Variants in RPP30 observed in about 807,000 individuals in gnomAD.
RPP30 encodes ribonuclease P/MRP subunit p30, also known as ribonuclease P protein subunit p30.
Under a neutral mutation model 38.6 loss-of-function variants are expected in RPP30, and 36 were observed. That is an observed-to-expected ratio of 0.93 (90% CI 0.71 to 1.23). The LOEUF is 1.23. Ranked by LOEUF, RPP30 falls within the 50% of genes most tolerant of loss-of-function variation. The pLI is 0.00. For synonymous variants in RPP30, 126 were observed against 112.7 expected, an observed-to-expected ratio of 1.12 and a Z score of -0.75; for missense variants, 321 against 321.7, an observed-to-expected ratio of 1.00 and a Z score of 0.02.
chr10:90,874,466 A>G (rs1846824551), intron 1 of RPP30, among the ~76,000 whole-genome samples: 1 of 152,254 alleles, frequency 6.6e-6, no homozygotes, highest in Non-Finnish European at 1.5e-5. Flanking sequence ...AAAAATGAAT[A>G]TAGGGTCATG....
At chr10:90,885,938 A>G in intron 6 of RPP30, 37 bp downstream of exon 6, 1 of 1,287,658 alleles carries the variant, frequency 7.8e-7, no homozygotes, top group Non-Finnish European at 1.1e-6. Flanking sequence ...GAATCTTAGA[A>G]ACTTACATTA....
chr10:90,875,649 A>G lies in RPP30; in HGVS notation c.195+35A>G, dbSNP rs569184460. The G allele has an allele frequency of 1.2e-4, 193 of 1,558,642 alleles. 1 individual carries two copies. In the South Asian group the frequency reaches 2.0e-3, roughly 16 times the overall value. On this transcript the variant is annotated intron_variant, in intron 3 of 10. Transcript: ENST00000371703. The stretch of plus-strand genomic sequence containing the variant: ...TTGTTGTTTACGAAGCATAATATCT[A>G]TTTATTCAGTTAAAAGGTACCTAAT...
At chr10:90,880,071 G>C (rs930881532) in intron 5 of RPP30, 1 of 146,132 alleles carries the variant, frequency 6.8e-6, no homozygotes, top group Non-Finnish European at 1.5e-5. Flanking sequence ...ATTAAGAAAA[G>C]GGGAAAGAGT....
intron 6 of RPP30, among the ~76,000 whole-genome samples, chr10:90,894,482 T>C (rs1847117099): frequency 6.6e-6 from 1 of 152,164 alleles, no homozygotes; most frequent in Admixed American, 6.5e-5. Context: ...TAGTAGCCCC[T>C]CTCTCACGCC....
At position 90,900,658 on chromosome 10, in the gene RPP30, GA is replaced by G; in HGVS notation, c.789del (p.Ala264ProfsTer29). 5 of 1,613,654 alleles carry G rather than the reference GA, an allele frequency of 3.1e-6. No individual in the cohort carries two copies. Among genetic ancestry groups the G allele is most frequent in the Non-Finnish European group, 4.2e-6 (5 of 1,179,776 alleles). ...GDEDCLPASK[K>X]AKCEG ...ATGAAGATTGTCTTCCAGCTTCCAAGAAAGCCAAGTGTGAGGGCTGAAAAGA... is the reference window on the plus strand; with the variant it reads ...ATGAAGATTGTCTTCCAGCTTCCAAGAAGCCAAGTGTGAGGGCTGAAAAGA... On this transcript the variant is annotated frameshift_variant, in exon 11 of 11. Transcript: ENST00000371703. LOFTEE classifies it high-confidence loss of function.
intron 8 of RPP30, 159 bp downstream of exon 8, chr10:90,895,642 A>C (rs1847131065): frequency 3.9e-6 from 2 of 511,740 alleles, no homozygotes; most frequent in Admixed American, 7.6e-5. Flanking sequence ...ATTTATCCCC[A>C]CTTTCTTTAG....
intron 10 of RPP30, among the ~76,000 whole-genome samples, chr10:90,897,638 C>T (rs1018142907): frequency 1.2e-4 from 19 of 152,094 alleles, no homozygotes; most frequent in African/African-American, 4.3e-4. Context: ...TTTTGAGTAA[C>T]AGTTGGGGTT....
chr10:90,887,050 C>T (rs563617629), intron 6 of RPP30, among the ~76,000 whole-genome samples: 1 of 152,286 alleles, frequency 6.6e-6, no homozygotes, highest in East Asian at 1.9e-4. Context: ...TCACTGCAGC[C>T]TCAACTTCCT....
intron 6 of RPP30, among the ~76,000 whole-genome samples, chr10:90,887,945 C>T (rs192652603): frequency 2.6e-5 from 4 of 152,340 alleles, no homozygotes; most frequent in Admixed American, 2.6e-4. Flanking sequence ...GTCAAGATCT[C>T]TGATGTGCCC....
chr10:90,899,610 C>T (rs1374369578), intron 10 of RPP30, among the ~76,000 whole-genome samples: 2 of 152,188 alleles, frequency 1.3e-5, no homozygotes, highest in Admixed American at 6.5e-5. Flanking sequence ...TGTATTCCTA[C>T]TTCACATCAG....
rs1847192355 is a variant in RPP30 at position 90,900,899 on chromosome 10, AAG to A, written c.*226_*227del. The A allele has an allele frequency of 1.6e-6, 2 of 1,265,882 alleles. No individual in the cohort carries two copies. The highest frequency in any genetic ancestry group is 2.7e-5 in the South Asian group (1 of 36,568). 78.4% of individuals were successfully genotyped at this position (1,265,882 alleles called of 1,614,324 possible). A position where few individuals can be genotyped will look rare whatever the true frequency, so the allele number is the denominator to read the frequency against. ...AGCTTAATGAATTTAGATGTACTTT[AAG>A]AGAGAAAGACTGGTTATTTCTCCTT... On this transcript the variant is annotated 3_prime_UTR_variant, in exon 11 of 11. Coordinates refer to ENST00000371703, the MANE Select transcript of RPP30 (RefSeq NM_006413.5).
At chr10:90,904,588 G>A (rs899465926), downstream of RPP30, among the ~76,000 whole-genome samples, 11 of 152,098 alleles carry the variant, frequency 7.2e-5, no homozygotes, top group African/African-American at 1.4e-4. Context: ...CAAGGAGGGC[G>A]GATAACTTGA....
At chr10:90,874,625 C>T (rs143912450) in intron 1 of RPP30, among the ~76,000 whole-genome samples, 2 of 152,266 alleles carry the variant, frequency 1.3e-5, no homozygotes, top group East Asian at 1.9e-4. Context: ...AATTTCATGA[C>T]AGTGTATGAA....
chr10:90,876,555 A>G (rs1372298644), intron 4 of RPP30, among the ~76,000 whole-genome samples: 2 of 152,204 alleles, frequency 1.3e-5, no homozygotes, highest in Non-Finnish European at 2.9e-5. Flanking sequence ...GCTGGGAGAC[A>G]GAAGAGTCAG....
At chr10:90,908,159 AG>A (rs1847273567), downstream of RPP30, 1 of 152,212 alleles carries the variant, frequency 6.6e-6, no homozygotes, top group South Asian at 2.1e-4. Flanking sequence ...GAAATTTTTC[AG>A]CTTCATTTTA....
chr10:90,874,316 G>A (rs1846822232), intron 1 of RPP30, among the ~76,000 whole-genome samples: 1 of 152,190 alleles, frequency 6.6e-6, no homozygotes, highest in South Asian at 2.1e-4. Flanking sequence ...AGCTTAAAAT[G>A]GGAAGCGGGC....
At chr10:90,905,028 C>G (rs1847238713), downstream of RPP30, among the ~76,000 whole-genome samples, 1 of 152,052 alleles carries the variant, frequency 6.6e-6, no homozygotes, top group Non-Finnish European at 1.5e-5. Context: ...AAATAATAAT[C>G]TTGGATTGCA....
At chr10:90,882,714 A>G (rs1846946334) in intron 5 of RPP30, among the ~76,000 whole-genome samples, 1 of 152,198 alleles carries the variant, frequency 6.6e-6, no homozygotes, top group Admixed American at 6.5e-5. Context: ...CTGTAATTCC[A>G]GGACTTTGGG....
Position 90,894,840 on chromosome 10 carries a change from A to C in RPP30, c.498A>C (p.Arg166Ser), listed in dbSNP as rs377631920. ...CTGCTATCAAAGACTCCACAATGAG[A>C]AGGTATACAATTTCCAGTGCCCTCA... is the stretch of plus-strand genomic sequence containing the variant. The part of the protein sequence containing the change: ...YSPAIKDSTM[R>S]RYTISSALNL... The change falls in exon 7 of 11, where the codon AGA (arginine) becomes AGC (serine). Residue 166 changes from arginine to serine, a missense_variant. By Grantham distance (110) the Arg-to-Ser change is moderately radical. Transcript: ENST00000371703. 9 of 1,613,400 alleles carry C rather than the reference A, an allele frequency of 5.6e-6. No individual in the cohort carries two copies. Among genetic ancestry groups the C allele is most frequent in the African/African-American group, 1.3e-5 (1 of 74,892 alleles).
Sources: allele counts gnomAD v4.1 joint callset (sites outside exome capture counted in the v4.1 genomes callset), GRCh38; gene constraint gnomAD v4.1.1; transcripts MANE v1.5; gene names NCBI Gene and HGNC (gene_info 2026-07-23, HGNC 2026-07-21).